The following MASP1 variants were observed in gnomAD, a reference collection of about 807,000 sequenced individuals.
MASP1 encodes MBL associated serine protease 1.
Under a neutral mutation model 77.1 loss-of-function variants are expected in MASP1, and 59 were observed. That is an observed-to-expected ratio of 0.77 (90% CI 0.62 to 0.95). The LOEUF (loss-of-function observed/expected upper bound fraction) is 0.95. Ranked by LOEUF, MASP1 falls within the 40% of genes least tolerant of loss-of-function variation. The pLI is 0.00. For missense variants in MASP1, 885 were observed against 912.9 expected (o/e 0.97, Z 0.39); for synonymous variants, 362 against 354.5 (o/e 1.02, Z -0.24).
In MASP1 at chr3:187,235,280, T is replaced by C. The variant is rs1713051506; in HGVS notation, c.*404A>G. 7.6e-7 allele frequency: 1 copy of C among 1,307,300 alleles called. No homozygotes were observed. The highest frequency in any genetic ancestry group is 1.0e-6 in the Non-Finnish European group (1 of 1,002,792). 81.0% of individuals were successfully genotyped at this position (1,307,300 alleles called of 1,614,324 possible). ...CAGTTCAATGTTAGAAACCATTTTC[T>C]AATAGTCAGGTCCAAGCTCAGTTAT... On this transcript the variant is annotated 3_prime_UTR_variant, in exon 11 of 11. Coordinates refer to ENST00000296280, the MANE Select transcript of MASP1 (RefSeq NM_139125.4).
intron 8 of MASP1, among the ~76,000 whole-genome samples, chr3:187,249,307 T>C (rs823059): frequency 0.77 from 117,261 of 152,096 alleles, 45,434 homozygotes; most frequent in African/African-American, 0.85. Context: ...ATCCACCTGC[T>C]TCTGCCTCCC....
chr3:187,229,862 C>T (rs372409532), downstream of MASP1: 17 of 1,614,020 alleles, frequency 1.1e-5, no homozygotes, highest in Non-Finnish European at 1.4e-5. Context: ...AAGATCCTGG[C>T]CATCAGCTTC....
intron 8 of MASP1, chr3:187,247,493 G>T: frequency 8.0e-7 from 1 of 1,253,824 alleles, no homozygotes; most frequent in Non-Finnish European, 1.2e-6. Context: ...AACAGTTTAT[G>T]CAGGAAATAC....
chr3:187,254,621 T>C (rs1579522826), intron 5 of MASP1, among the ~76,000 whole-genome samples: 1 of 152,134 alleles, frequency 6.6e-6, no homozygotes, highest in Admixed American at 6.5e-5. Context: ...CTCAATGCTA[T>C]GGGAGAATAG....
intron 2 of MASP1, among the ~76,000 whole-genome samples, chr3:187,273,544 G>A (rs993533510): frequency 3.9e-5 from 6 of 152,114 alleles, no homozygotes; most frequent in African/African-American, 1.4e-4. Context: ...CGACAGCCCC[G>A]GGCTGACTCC....
chr3:187,262,625 G>T lies in MASP1; in HGVS notation c.333C>A (p.Gly111=). The T allele has an allele frequency of 3.1e-6, 5 of 1,614,112 alleles. No individual in the cohort carries two copies. Among genetic ancestry groups the T allele is most frequent in the Non-Finnish European group, 4.2e-6 (5 of 1,180,006 alleles). Residue 111 remains glycine (G), a synonymous_variant, in exon 3 of 11, where the codon GGC becomes GGA. Coordinates refer to ENST00000296280, the MANE Select transcript of MASP1 (RefSeq NM_139125.4). ...ACCGGAAAGTGATGGACATGAAGGA[G>T]CCAGGGGAGAGGACCACCTCCTGGC... ...TPGQEVVLSP[G]SFMSITFRSD...
chr3:187,256,588 G>A, intron 5 of MASP1, 76 bp downstream of exon 5: 1 of 1,395,178 alleles, frequency 7.2e-7, no homozygotes, highest in Non-Finnish European at 1.0e-6. Flanking sequence ...GAAGGTGAAG[G>A]TTCCGCAATA....
At chr3:187,217,603 G>C (rs1239511574) in exon 16 of MASP1, 1 of 152,202 alleles carries the variant, frequency 6.6e-6, no homozygotes, top group Non-Finnish European at 1.5e-5. Flanking sequence ...CTCATCAGTA[G>C]AAATGCTCAA....
At chr3:187,286,752 GGTCAGT>G (rs1717890812) in intron 1 of MASP1, among the ~76,000 whole-genome samples, 1 of 152,156 alleles carries the variant, frequency 6.6e-6, no homozygotes, top group South Asian at 2.1e-4. Flanking sequence ...AAGCCCTTCT[GGTCAGT>G]CTGTACTCAC....
intron 10 of MASP1, among the ~76,000 whole-genome samples, chr3:187,238,421 A>G (rs1247452318): frequency 6.6e-6 from 1 of 152,198 alleles, no homozygotes; most frequent in Non-Finnish European, 1.5e-5. Flanking sequence ...TGTCCTTTTA[A>G]GAGGCTGAAT....
Position 187,235,700 on chromosome 3 carries a change from G to A in MASP1, c.2171C>T (p.Pro724Leu). The A allele has an allele frequency of 6.2e-7, 1 of 1,614,122 alleles. No homozygotes were observed. The highest frequency in any genetic ancestry group is 1.3e-5 in the African/African-American group (1 of 75,026). ...QMGLPQSVVE[P>L]QVER Reference sequence around the variant, plus strand: ...TAAGTCAGCTCACCGTTCCACCTGGGGCTCCACAACACTTTGTGGTAAGCC... The same window carrying A: ...TAAGTCAGCTCACCGTTCCACCTGGAGCTCCACAACACTTTGTGGTAAGCC... The change falls in exon 11 of 11, where the codon CCC becomes CTC. Residue 724 changes from proline to leucine, a missense_variant. By Grantham distance (98) the Pro-to-Leu change is moderately conservative. Transcript: ENST00000296280.
intron 11 of MASP1, among the ~76,000 whole-genome samples, chr3:187,227,076 G>A (rs1480029670): frequency 6.6e-6 from 1 of 152,140 alleles, no homozygotes; most frequent in Non-Finnish European, 1.5e-5. Flanking sequence ...AGAATTACCT[G>A]GTGAATGAAA....
Position 187,234,908 on chromosome 3 carries a change from C to T in MASP1, c.*776G>A, listed in dbSNP as rs940081252. 2.6e-5 allele frequency: 33 copies of T among 1,287,014 alleles called. No individual in the cohort carries two copies. Among genetic ancestry groups the T allele is most frequent in the Non-Finnish European group, 2.9e-5 (29 of 988,644 alleles). The allele number at this position is 1,287,014 out of a possible 1,614,324, so 79.7% of individuals were successfully genotyped here. The stretch of plus-strand genomic sequence containing the variant: ...GACGCCCATGGTGTCAGCTGGTGTT[C>T]CAGGGTGGCATATGGGCCCAAATGT... On this transcript the variant is annotated 3_prime_UTR_variant, in exon 11 of 11. Coordinates refer to ENST00000296280, the MANE Select transcript of MASP1 (RefSeq NM_139125.4).
intron 9 of MASP1, chr3:187,242,291 C>G (rs1270060492): frequency 6.6e-6 from 1 of 152,294 alleles, no homozygotes; most frequent in Non-Finnish European, 1.5e-5. Context: ...GCGGGCGGAT[C>G]ACTTGAGGTC....
chr3:187,247,381 A>G (rs1405486483), intron 8 of MASP1: 3 of 1,614,042 alleles, frequency 1.9e-6, no homozygotes, highest in East Asian at 4.5e-5. Context: ...GATCGATTTC[A>G]TTTTCTGCCA....
At chr3:187,224,018 A>G (rs1205720904) in intron 13 of MASP1, among the ~76,000 whole-genome samples, 1 of 152,220 alleles carries the variant, frequency 6.6e-6, no homozygotes, top group Non-Finnish European at 1.5e-5. Flanking sequence ...GCACCCAATG[A>G]GTCAAAGCCA....
chr3:187,274,044 C>A (rs148301040), intron 2 of MASP1, among the ~76,000 whole-genome samples: 3 of 152,178 alleles, frequency 2.0e-5, no homozygotes, highest in Admixed American at 2.0e-4. Context: ...CTTGTCTCCA[C>A]TAAAAACACA....
intron 2 of MASP1, among the ~76,000 whole-genome samples, chr3:187,273,293 T>A (rs538072844): frequency 1.3e-5 from 2 of 152,274 alleles, no homozygotes; most frequent in Admixed American, 1.3e-4. Context: ...AGCCTCCTCC[T>A]CTGGCAGGTG....
At position 187,235,832 on chromosome 3, in the gene MASP1, A is replaced by G. The variant is rs759735292; in HGVS notation, c.2039T>C (p.Val680Ala). ...TCCCCCCCAGGACACCAGGCCTTGC[A>G]CCACCCAGCGCTGGCTCAAGTCATC... ...IFDDLSQRWV[V>A]QGLVSWGGPE... The change falls in exon 11 of 11, where the codon GTG becomes GCG. Residue 680 changes from valine (V) to alanine (A), a missense_variant. Val to Ala is a moderately conservative substitution (Grantham distance 64). Coordinates refer to ENST00000296280, the MANE Select transcript of MASP1 (RefSeq NM_139125.4). The G allele has an allele frequency of 2.6e-5, 42 of 1,614,002 alleles. No homozygotes were observed. The highest frequency in any genetic ancestry group is 3.4e-5 in the Non-Finnish European group (40 of 1,180,022).
Sources: allele counts gnomAD v4.1 joint callset (sites outside exome capture counted in the v4.1 genomes callset), GRCh38; gene constraint gnomAD v4.1.1; transcripts MANE v1.5; gene names NCBI Gene and HGNC (gene_info 2026-07-23, HGNC 2026-07-21).